Variants in TYRO3 observed in about 807,000 individuals in gnomAD.
TYRO3 encodes TYRO3 protein tyrosine kinase, also known as tyrosine-protein kinase receptor TYRO3.
A neutral mutation model predicts 95.2 loss-of-function variants in TYRO3; 38 were observed. That is an observed-to-expected ratio of 0.40 (90% CI 0.31 to 0.52). The LOEUF is 0.52. Among genes scored for constraint, TYRO3 ranks in the 20% least tolerant of loss-of-function variants. The probability of loss-of-function intolerance (pLI) is 0.56; values close to 1 mark genes in which losing one functional copy is unlikely to be tolerated. For missense variants in TYRO3, 812 were observed against 1,116.4 expected (o/e 0.73, Z 3.89); for synonymous variants, 367 against 432.9 (o/e 0.85, Z 1.89).
intron 18 of TYRO3, 98 bp from the exon 19 acceptor site, chr15:41,577,788 G>T (rs2055878279): frequency 1.5e-6 from 2 of 1,298,448 alleles, no homozygotes; most frequent in South Asian, 2.9e-5. Context: ...GCCCCACCAG[G>T]GAATAAAATT....
chr15:41,568,927 C>T lies in TYRO3; in HGVS notation c.1157C>T (p.Pro386Leu). 2 of 1,613,264 alleles carry T rather than the reference C, an allele frequency of 1.2e-6. No homozygotes were observed. Among genetic ancestry groups the T allele is most frequent in the Non-Finnish European group, 1.7e-6 (2 of 1,180,018 alleles). ...AGGGCCAATTTGACAGGCTGGGATCCCCAAAAGGACCTGATCGTACGTGTG... is the reference window on the plus strand; with the variant it reads ...AGGGCCAATTTGACAGGCTGGGATCTCCAAAAGGACCTGATCGTACGTGTG... ...GTRANLTGWDPQKDLIVRVCV... is the reference protein window; with the variant it reads ...GTRANLTGWDLQKDLIVRVCV... Residue 386 changes from proline (P) to leucine (L), a missense_variant, in exon 9 of 19, where the codon CCC becomes CTC. Pro to Leu is a moderately conservative substitution (Grantham distance 98, BLOSUM62 -3). Transcript: ENST00000263798.
In TYRO3 at chr15:41,579,968, A is replaced by T. The variant is rs1309463877; in HGVS notation, c.*1692A>T. The T allele has an allele frequency of 6.6e-6, 1 of 151,162 alleles. No homozygotes were observed. The highest frequency in any genetic ancestry group is 1.5e-5 in the Non-Finnish European group (1 of 67,836). The allele number at this position is 151,162 out of a possible 1,614,324, so 9.4% of individuals were successfully genotyped here. A position where few individuals can be genotyped will look rare whatever the true frequency, so the allele number is the denominator to read the frequency against. ...GAGATAGGGTTTCACCGTATTAGCC[A>T]GGATGATCTCAATCTCCTGACCTCG... On this transcript the variant is annotated 3_prime_UTR_variant, in exon 19 of 19. Transcript: ENST00000263798.
intron 14 of TYRO3, 73 bp downstream of exon 14, chr15:41,571,760 C>A: frequency 2.9e-6 from 2 of 700,640 alleles, no homozygotes; most frequent in Non-Finnish European, 5.0e-6. Flanking sequence ...AGATGGCAGC[C>A]TATAGGAGAG....
Position 41,573,043 on chromosome 15 carries a change from T to G in TYRO3, c.1917T>G (p.Ile639Met). The G allele has an allele frequency of 6.2e-7, 1 of 1,614,174 alleles. No homozygotes were observed. ...LQTLIRFMVD[I>M]ACGMEYLSSR... ...CCCTGATCCGGTTCATGGTGGACAT[T>G]GCCTGCGGCATGGAGTACCTGAGCT... The change falls in exon 16 of 19, where the codon ATT (isoleucine) becomes ATG (methionine). Residue 639 changes from isoleucine to methionine, a missense_variant. By Grantham distance (10) the Ile-to-Met change is conservative (BLOSUM62 1). Coordinates refer to ENST00000263798, the MANE Select transcript of TYRO3 (RefSeq NM_006293.4).
chr15:41,570,056 T>A lies in TYRO3; in HGVS notation c.1282T>A (p.Ser428Thr). The A allele has an allele frequency of 1.2e-6, 2 of 1,613,796 alleles. No homozygotes were observed. The highest frequency in any genetic ancestry group is 1.7e-6 in the Non-Finnish European group (2 of 1,180,032). Residue 428 changes from serine (S) to threonine (T), a missense_variant, in exon 10 of 19, where the codon TCC becomes ACC. Physicochemically the swap from Ser to Thr is moderately conservative, Grantham distance 58. Transcript: ENST00000263798. Reference sequence around the variant, plus strand: ...GCAGGGCCCTCCTCACAGCCGCACATCCTGGGTACCTGTGGTCCTTGGTGT... The same window carrying A: ...GCAGGGCCCTCCTCACAGCCGCACAACCTGGGTACCTGTGGTCCTTGGTGT... ...GQQGPPHSRTSWVPVVLGVLT... is the reference protein window; with the variant it reads ...GQQGPPHSRTTWVPVVLGVLT...
intron 6 of TYRO3, among the ~76,000 whole-genome samples, chr15:41,566,425 G>A (rs2055725255): frequency 6.7e-6 from 1 of 150,102 alleles, no homozygotes; most frequent in South Asian, 2.1e-4. Context: ...AAGAGGATAT[G>A]CCCATCCAGA....
At position 41,578,100 on chromosome 15, in the gene TYRO3, G is replaced by T; in HGVS notation, c.2497G>T (p.Asp833Tyr). The T allele has an allele frequency of 1.2e-6, 2 of 1,614,018 alleles. No individual in the cohort carries two copies. The highest frequency in any genetic ancestry group is 2.2e-5 in the South Asian group (2 of 91,062). ...GGATCAGCCCTACAGTGGGGCTGGG[G>T]ATGGCAGTGGCATGGGGGCAGTGGG... ...GRDQPYSGAG[D>Y]GSGMGAVGGT... is the part of the protein sequence containing the mutation. Residue 833 changes from aspartate to tyrosine, a missense_variant, in exon 19 of 19, where the codon GAT becomes TAT. Transcript: ENST00000263798.
chr15:41,568,668 C>T (rs1176661976), intron 8 of TYRO3, among the ~76,000 whole-genome samples: 9 of 152,234 alleles, frequency 5.9e-5, no homozygotes, highest in East Asian at 3.9e-4. Flanking sequence ...CTGTGCATTC[C>T]GGGACTGAGC....
intron 12 of TYRO3, 104 bp downstream of exon 12, chr15:41,570,803 A>T: frequency 5.2e-6 from 6 of 1,148,436 alleles, no homozygotes; most frequent in Non-Finnish European, 7.8e-6. Flanking sequence ...GGTTGCCGTA[A>T]ACAAGATATG....
chr15:41,576,381 C>T (rs1278079314), intron 18 of TYRO3, among the ~76,000 whole-genome samples: 8 of 151,570 alleles, frequency 5.3e-5, no homozygotes, highest in African/African-American at 7.3e-5. Flanking sequence ...TTAGTAGAGA[C>T]GGGGTTTCTC....
chr15:41,570,761 C>T lies in TYRO3; in HGVS notation c.1579+62C>T, dbSNP rs573272592. The T allele has an allele frequency of 1.1e-3, 1,589 of 1,504,848 alleles. 13 individuals carry two copies. The Middle Eastern group carries it at 0.013, about 13-fold the overall frequency. The allele number at this position is 1,504,848 out of a possible 1,614,324, so 93.2% of individuals were successfully genotyped here. On this transcript the variant is annotated intron_variant, in intron 12 of 18. Transcript: ENST00000263798. Reference sequence around the variant, plus strand: ...TGCTGTAGCTGGAAGTGTTTGGTTGCCCCTGTCACTTTGAGGCTGTGGGTT... The same window carrying T: ...TGCTGTAGCTGGAAGTGTTTGGTTGTCCCTGTCACTTTGAGGCTGTGGGTT...
rs767321550 is a variant in TYRO3, at chr15:41,573,146, G to T, written c.1985+35G>T. ...CTGGAGGACTCGAGGGTGGGAGACA[G>T]CAGCAGGTGCCAAGAGGAGCTAGCT... On this transcript the variant is annotated intron_variant, in intron 16 of 18. Transcript: ENST00000263798. The T allele has an allele frequency of 5.7e-6, 7 of 1,226,072 alleles. No homozygotes were observed. The African/African-American group carries it at 7.4e-5, about 13-fold the overall frequency. The allele number at this position is 1,226,072 out of a possible 1,614,324, so 75.9% of individuals were successfully genotyped here.
chr15:41,581,584 T>C lies in TYRO3; in HGVS notation c.*3308T>C, dbSNP rs1360621801. ...GCTGATGCCTGTAATCCCAGCACTT[T>C]GTGAGGCTGAGGCGGGTGGATCACC... On this transcript the variant is annotated 3_prime_UTR_variant, in exon 19 of 19. Coordinates refer to ENST00000263798, the MANE Select transcript of TYRO3 (RefSeq NM_006293.4). 1 of 152,154 alleles carries C rather than the reference T, an allele frequency of 6.6e-6. No individual in the cohort carries two copies. The highest frequency in any genetic ancestry group is 1.9e-4 in the East Asian group (1 of 5,196). 9.4% of individuals were successfully genotyped at this position (152,154 alleles called of 1,614,324 possible).
At position 41,578,559 on chromosome 15, in the gene TYRO3, G is replaced by A. The variant is rs896059357; in HGVS notation, c.*283G>A. 9.9e-6 allele frequency: 5 copies of A among 505,990 alleles called. No individual in the cohort carries two copies. Among genetic ancestry groups the A allele is most frequent in the African/African-American group, 3.9e-5 (2 of 51,484 alleles). The allele number at this position is 505,990 out of a possible 1,614,324, so 31.3% of individuals were successfully genotyped here. On this transcript the variant is annotated 3_prime_UTR_variant, in exon 19 of 19. Transcript: ENST00000263798. ...CAGCTGGCAGGAGTGGGGTGGTTAT[G>A]TTTCCATGGTTACCATGGGTGTGGA...
chr15:41,564,355 C>T (rs2055695083), intron 5 of TYRO3, 85 bp downstream of exon 5: 5 of 1,341,848 alleles, frequency 3.7e-6, no homozygotes, highest in Non-Finnish European at 4.3e-6. Context: ...ATTCTGTGTT[C>T]CAGCTCCCCT....
At chr15:41,572,642 G>C in intron 15 of TYRO3, 78 bp downstream of exon 15, 1 of 1,417,438 alleles carries the variant, frequency 7.1e-7, no homozygotes, top group Non-Finnish European at 9.6e-7. Context: ...GACCCTGGCA[G>C]AGAGGGGCTT....
chr15:41,560,428 T>TGTGTGTGTGTGTGTGCGCGC (rs1408766845), intron 1 of TYRO3, among the ~76,000 whole-genome samples: 1 of 135,256 alleles, frequency 7.4e-6, no homozygotes, highest in African/African-American at 3.0e-5. Flanking sequence ...TGTGTGTGTG[T>TGTGTGTGTGTGTGTGCGCGC]GCGCGCGCGC....
intron 3 of TYRO3, 58 bp from the exon 4 acceptor site, chr15:41,562,490 T>A: frequency 6.8e-7 from 1 of 1,462,312 alleles, no homozygotes; most frequent in East Asian, 2.3e-5. Context: ...ACTTGTGATT[T>A]GTACAGTAGG....
At chr15:41,565,704 C>T (rs1033844993) in intron 6 of TYRO3, among the ~76,000 whole-genome samples, 3 of 151,406 alleles carry the variant, frequency 2.0e-5, no homozygotes, top group African/African-American at 7.3e-5. Flanking sequence ...GCTGGTATTA[C>T]AGGCATGAAC....
Sources: gnomAD v4.1 joint callset for allele counts (sites outside exome capture counted in the v4.1 genomes callset) on GRCh38, gnomAD v4.1.1 for gene constraint, MANE v1.5 for transcripts, NCBI Gene and HGNC (gene_info 2026-07-23, HGNC 2026-07-21) for gene names.